The following LRIG1 variants were observed in gnomAD, a reference collection of about 807,000 sequenced individuals.
The protein encoded by LRIG1 is leucine-rich repeats and immunoglobulin-like domains protein 1.
LRIG1 carries 48 observed loss-of-function variants against 99.2 expected under a neutral mutation model. That is an observed-to-expected ratio of 0.48 (90% CI 0.38 to 0.62). The LOEUF (loss-of-function observed/expected upper bound fraction) is 0.62, where lower values mean the gene tolerates loss of function less well. Among genes scored for constraint, LRIG1 ranks in the 20% least tolerant of loss-of-function variants. The pLI is 0.00. For synonymous variants in LRIG1, 772 were observed against 596.1 expected, an observed-to-expected ratio of 1.29 and a Z score of -4.30; for missense variants, 1,646 against 1,434.4, an observed-to-expected ratio of 1.15 and a Z score of -2.38.
At chr3:66,403,631 T>TCAGGAAGGCAGTGGCGGACTCATGCAGCA (rs1266114094) in intron 9 of LRIG1, among the ~76,000 whole-genome samples, 2 of 152,092 alleles carry the variant, frequency 1.3e-5, no homozygotes, top group African/African-American at 4.8e-5. Flanking sequence ...GGGCGGGCAC[T>TCAGGAAGGCAGTGGCGGACTCATGCAGCA]CAGGAAGGCA....
At chr3:66,420,618 G>T (rs781256442) in intron 3 of LRIG1, among the ~76,000 whole-genome samples, 1 of 152,212 alleles carries the variant, frequency 6.6e-6, no homozygotes, top group Non-Finnish European at 1.5e-5. Context: ...AAAAAGAAAA[G>T]AAATTCTAAC....
intron 3 of LRIG1, among the ~76,000 whole-genome samples, chr3:66,443,566 T>C (rs894704486): frequency 6.6e-6 from 1 of 152,186 alleles, no homozygotes; most frequent in Non-Finnish European, 1.5e-5. Flanking sequence ...TCACTTCATC[T>C]GGGAAACTTC....
Position 66,500,476 on chromosome 3 carries a change from C to A in LRIG1, c.-69G>T. ...GGACCCGAACGGCCGCAGACGCGGGCGGGCCCGCGGGGCGCTCCGCTCGGC... is the reference window on the plus strand; with the variant it reads ...GGACCCGAACGGCCGCAGACGCGGGAGGGCCCGCGGGGCGCTCCGCTCGGC... On this transcript the variant is annotated 5_prime_UTR_variant, in exon 1 of 19. Coordinates refer to ENST00000273261, the MANE Select transcript of LRIG1 (RefSeq NM_015541.3). 3 of 928,598 alleles carry A rather than the reference C, an allele frequency of 3.2e-6. No individual in the cohort carries two copies. The highest frequency in any genetic ancestry group is 4.3e-5 in the Admixed American group (1 of 23,122). The allele number at this position is 928,598 out of a possible 1,614,324, so 57.5% of individuals were successfully genotyped here.
At chr3:66,392,832 T>A (rs1340798262) in intron 12 of LRIG1, among the ~76,000 whole-genome samples, 2 of 152,102 alleles carry the variant, frequency 1.3e-5, no homozygotes, top group Non-Finnish European at 2.9e-5. Flanking sequence ...AAGGACTTGA[T>A]GACAATGGGC....
At chr3:66,405,097 T>C (rs1229173322) in intron 9 of LRIG1, 101 bp downstream of exon 9, 1 of 1,000,512 alleles carries the variant, frequency 1.0e-6, no homozygotes. Context: ...CTCTTCCGCC[T>C]GGGCCCAGAG....
chr3:66,443,722 C>G (rs762335568), intron 3 of LRIG1, among the ~76,000 whole-genome samples: 2 of 152,174 alleles, frequency 1.3e-5, no homozygotes, highest in African/African-American at 4.8e-5. Flanking sequence ...CCATAGGACC[C>G]GATCTGTTTG....
intron 2 of LRIG1, among the ~76,000 whole-genome samples, chr3:66,458,865 A>G (rs1446333591): frequency 6.6e-6 from 1 of 151,956 alleles, no homozygotes; most frequent in East Asian, 1.9e-4. Context: ...TAAAATATAA[A>G]AATTAGCTGG....
At chr3:66,463,121 G>A (rs1306608769) in intron 1 of LRIG1, among the ~76,000 whole-genome samples, 3 of 152,112 alleles carry the variant, frequency 2.0e-5, no homozygotes, top group African/African-American at 4.8e-5. Context: ...AGCCCTGCAC[G>A]ACTGAGAACT....
chr3:66,461,130 G>A (rs888751422), intron 2 of LRIG1, among the ~76,000 whole-genome samples: 6 of 152,092 alleles, frequency 3.9e-5, no homozygotes, highest in Admixed American at 3.3e-4. Context: ...GACCAACATG[G>A]CGGAACACCA....
chr3:66,407,603 GCACA>G, intron 7 of LRIG1, 112 bp from the exon 8 acceptor site: 32 of 1,200,438 alleles, frequency 2.7e-5, no homozygotes, highest in Non-Finnish European at 3.5e-5. Context: ...TGACACAGAT[GCACA>G]CGCACGCGCG....
intron 3 of LRIG1, among the ~76,000 whole-genome samples, chr3:66,428,007 C>A (rs567505214): frequency 5.3e-5 from 8 of 152,220 alleles, no homozygotes; most frequent in Non-Finnish European, 1.2e-4. Context: ...ATTGACAGAA[C>A]ATACAGCAAT....
At chr3:66,455,048 G>A (rs956506585) in intron 2 of LRIG1, among the ~76,000 whole-genome samples, 1 of 152,102 alleles carries the variant, frequency 6.6e-6, no homozygotes, top group African/African-American at 2.4e-5. Flanking sequence ...GGGTTCAAGC[G>A]ATTCTCCTGC....
intron 1 of LRIG1, among the ~76,000 whole-genome samples, chr3:66,472,261 A>G (rs1273246570): frequency 2.8e-5 from 4 of 140,702 alleles, no homozygotes; most frequent in African/African-American, 5.3e-5. Context: ...CCGAGATCAC[A>G]CTACTGCACT....
chr3:66,402,873 A>C (rs1318580677), intron 9 of LRIG1, among the ~76,000 whole-genome samples: 1 of 152,174 alleles, frequency 6.6e-6, no homozygotes, highest in African/African-American at 2.4e-5. Context: ...CTTTCCTGGA[A>C]TGTTCTGAGT....
intron 5 of LRIG1, 34 bp from the exon 6 acceptor site, chr3:66,413,048 T>G: frequency 6.2e-7 from 1 of 1,613,152 alleles, no homozygotes; most frequent in Non-Finnish European, 8.5e-7. Flanking sequence ...TCAGAGTGTC[T>G]TATGTGCATA....
chr3:66,470,323 A>G (rs1359247017), intron 1 of LRIG1, among the ~76,000 whole-genome samples: 4 of 152,350 alleles, frequency 2.6e-5, no homozygotes, highest in South Asian at 2.1e-4. Context: ...CCAGAGCAGG[A>G]AAGATCAGCT....
At chr3:66,404,039 T>G (rs1702168538) in intron 9 of LRIG1, among the ~76,000 whole-genome samples, 1 of 152,172 alleles carries the variant, frequency 6.6e-6, no homozygotes, top group African/African-American at 2.4e-5. Context: ...CAGCATTGTT[T>G]TAGGGACAAT....
chr3:66,466,337 C>G (rs1700472734), intron 1 of LRIG1, among the ~76,000 whole-genome samples: 1 of 152,180 alleles, frequency 6.6e-6, no homozygotes, highest in Non-Finnish European at 1.5e-5. Context: ...GCCACTGCAC[C>G]TGGCAGAATT....
intron 1 of LRIG1, among the ~76,000 whole-genome samples, chr3:66,489,388 G>A (rs1043455122): frequency 6.6e-6 from 1 of 152,046 alleles, no homozygotes; most frequent in East Asian, 1.9e-4. Flanking sequence ...CAGGTGTGGT[G>A]GCACATGCCT....
Sources: gnomAD v4.1 joint callset for allele counts (sites outside exome capture counted in the v4.1 genomes callset) on GRCh38, gnomAD v4.1.1 for gene constraint, MANE v1.5 for transcripts, NCBI Gene and HGNC (gene_info 2026-07-23, HGNC 2026-07-21) for gene names.